NRXN1: variants seen among roughly 807,000 people sequenced by gnomAD.
The protein encoded by NRXN1 is neurexin-1.
A neutral mutation model predicts 150.9 loss-of-function variants in NRXN1; 39 were observed. That is an observed-to-expected ratio of 0.26 (90% CI 0.20 to 0.34). The LOEUF (loss-of-function observed/expected upper bound fraction) is 0.34. Among genes scored for constraint, NRXN1 ranks in the 10% least tolerant of loss-of-function variants. NRXN1 has a pLI of 1.00. For synonymous variants in NRXN1, 924 were observed against 757.0 expected, an observed-to-expected ratio of 1.22 and a Z score of -3.62; for missense variants, 1,815 against 1,949.9, an observed-to-expected ratio of 0.93 and a Z score of 1.30.
At chr2:50,155,050 C>G (rs2058930917) in intron 18 of NRXN1, among the ~76,000 whole-genome samples, 1 of 151,292 alleles carries the variant, frequency 6.6e-6, no homozygotes, top group African/African-American at 2.4e-5. Context: ...CTCTAATTAC[C>G]AAAATTATAT....
chr2:50,148,625 T>C (rs943831217), intron 18 of NRXN1, among the ~76,000 whole-genome samples: 6 of 151,742 alleles, frequency 4.0e-5, no homozygotes, highest in African/African-American at 1.4e-4. Context: ...GTTCCAAGTT[T>C]TGGCATATTC....
chr2:50,758,143 T>C (rs1258980059), intron 5 of NRXN1: 1 of 151,780 alleles, frequency 6.6e-6, no homozygotes, highest in East Asian at 2.0e-4. Context: ...TTCTCTAAAA[T>C]TAAAACAAGA....
chr2:50,190,327 C>T (rs2061364972), intron 18 of NRXN1, among the ~76,000 whole-genome samples: 1 of 152,070 alleles, frequency 6.6e-6, no homozygotes, highest in African/African-American at 2.4e-5. Flanking sequence ...GAGAATGCCA[C>T]ACCAAATATT....
chr2:50,650,853 C>A (rs1217722272), intron 5 of NRXN1, among the ~76,000 whole-genome samples: 1 of 151,962 alleles, frequency 6.6e-6, no homozygotes, highest in Non-Finnish European at 1.5e-5. Context: ...CACTGTCTAG[C>A]TTAAAATGTT....
rs549359122 is a variant in NRXN1, at chr2:50,112,859, T to C, written c.3547-21365A>G. ...TCAATAAATATAATCTATTAATATATTAATTATACTATTCTAGATATAAAA... is the reference window on the plus strand; with the variant it reads ...TCAATAAATATAATCTATTAATATACTAATTATACTATTCTAGATATAAAA... On this transcript the variant is annotated intron_variant, in intron 18 of 22. Transcript: ENST00000401669. Among the ~76,000 whole-genome samples the C allele has an allele frequency of 3.3e-5, 5 of 152,186 alleles. No homozygotes were observed. In the East Asian group the frequency reaches 9.6e-4, roughly 29 times the overall value.
chr2:50,173,444 C>T, intron 18 of NRXN1, among the ~76,000 whole-genome samples: 1 of 152,120 alleles, frequency 6.6e-6, no homozygotes, highest in East Asian at 1.9e-4. Flanking sequence ...TACAAGACTC[C>T]TAACTGGATT....
intron 2 of NRXN1, among the ~76,000 whole-genome samples, chr2:51,025,628 T>C (rs1174031558): frequency 1.3e-5 from 2 of 152,196 alleles, no homozygotes; most frequent in Non-Finnish European, 2.9e-5. Context: ...TAAGACAATT[T>C]TCCCATAAAA....
chr2:50,255,694 G>C (rs1442307132), intron 17 of NRXN1, among the ~76,000 whole-genome samples: 3 of 151,802 alleles, frequency 2.0e-5, no homozygotes, highest in African/African-American at 7.3e-5. Context: ...CCAGTTCTAG[G>C]GTCATTTTAA....
intron 21 of NRXN1, among the ~76,000 whole-genome samples, chr2:49,992,320 A>G (rs1363029): frequency 0.48 from 72,656 of 151,560 alleles, 17,944 homozygotes; most frequent in Middle Eastern, 0.63. Context: ...TGGGTGAATC[A>G]TGAGGTCAGG....
intron 17 of NRXN1, among the ~76,000 whole-genome samples, chr2:50,240,326 T>C (rs973698761): frequency 2.6e-5 from 4 of 151,810 alleles, no homozygotes; most frequent in East Asian, 1.9e-4. Flanking sequence ...CAGTAGTGCA[T>C]TGTATTGTAC....
At chr2:50,377,858 A>G (rs2080641187) in intron 17 of NRXN1, among the ~76,000 whole-genome samples, 1 of 152,202 alleles carries the variant, frequency 6.6e-6, no homozygotes. Flanking sequence ...TTAATTCCAA[A>G]CAAAGGCAAT....
intron 2 of NRXN1, among the ~76,000 whole-genome samples, chr2:51,024,409 G>A (rs974457639): frequency 2.0e-5 from 3 of 151,720 alleles, no homozygotes; most frequent in Admixed American, 6.6e-5. Flanking sequence ...ATCTCAACCC[G>A]AATGAACTGG....
Position 50,594,625 on chromosome 2 carries a change from CTCTT to C in NRXN1, c.1320+25393_1320+25396del, listed in dbSNP as rs1292702097. 3.3e-5 allele frequency among the ~76,000 whole-genome samples: 5 copies of C among 152,184 alleles called. No homozygotes were observed. The East Asian group carries it at 7.7e-4, about 23-fold the overall frequency. ...GCTGAAGGGAAGGACTAAGAAATGTCTCTTTCTAAGGCCCATAGAAATAGTATAA... is the reference window on the plus strand; with the variant it reads ...GCTGAAGGGAAGGACTAAGAAATGTCTCTAAGGCCCATAGAAATAGTATAA... On this transcript the variant is annotated intron_variant, in intron 8 of 22. Coordinates refer to ENST00000401669, the MANE Select transcript of NRXN1 (RefSeq NM_001330078.2).
chr2:50,337,624 T>A (rs532250341), intron 17 of NRXN1, among the ~76,000 whole-genome samples: 1 of 152,300 alleles, frequency 6.6e-6, no homozygotes, highest in South Asian at 2.1e-4. Flanking sequence ...AATAACTAAA[T>A]GATATAATTG....
intron 17 of NRXN1, among the ~76,000 whole-genome samples, chr2:50,248,814 G>A (rs532960644): frequency 1.3e-5 from 2 of 152,026 alleles, no homozygotes; most frequent in South Asian, 2.1e-4. Context: ...ATCTAAGAGG[G>A]AAACTAGTGT....
At position 50,630,925 on chromosome 2, in the gene NRXN1, T is replaced by A. The variant is rs142500254; in HGVS notation, c.833-7310A>T. Among the ~76,000 whole-genome samples, 633 of 151,882 alleles carry A rather than the reference T, an allele frequency of 4.2e-3. 11 individuals are homozygous for A. The highest frequency in any genetic ancestry group is 0.027 in the Admixed American group (416 of 15,232). On this transcript the variant is annotated intron_variant, in intron 5 of 22. Coordinates refer to ENST00000401669, the MANE Select transcript of NRXN1 (RefSeq NM_001330078.2). ...TTATTAAAACAAATAAGCCAGGCTG[T>A]CTCTGCTATAAGATAAAACAACTTT...
chr2:50,022,885 T>C (rs1220003476), intron 21 of NRXN1: 3 of 152,176 alleles, frequency 2.0e-5, no homozygotes, highest in Non-Finnish European at 4.4e-5. Flanking sequence ...TCTTATATAG[T>C]AGGTAAAAAT....
At position 50,021,653 on chromosome 2, in the gene NRXN1, T is replaced by A. The variant is rs190426654; in HGVS notation, c.4128+31618A>T. The stretch of plus-strand genomic sequence containing the variant: ...AGTTAAAGCCAGGAGAATTCTTTAG[T>A]GCTGTCTTTCTAGACGTTAGAATTT... On this transcript the variant is annotated intron_variant, in intron 21 of 22. Coordinates refer to ENST00000401669, the MANE Select transcript of NRXN1 (RefSeq NM_001330078.2). 2.8e-3 allele frequency among the ~76,000 whole-genome samples: 426 copies of A among 152,208 alleles called. 1 individual carries two copies. Among genetic ancestry groups the A allele is most frequent in the Non-Finnish European group, 5.1e-3 (345 of 68,014 alleles).
intron 15 of NRXN1, among the ~76,000 whole-genome samples, chr2:50,495,455 A>C (rs1378930130): frequency 1.3e-5 from 2 of 150,326 alleles, no homozygotes; most frequent in Admixed American, 1.3e-4. Flanking sequence ...TTGGAGACAC[A>C]GGGTTTCTAA....
Sources: allele counts gnomAD v4.1 joint callset (sites outside exome capture counted in the v4.1 genomes callset), GRCh38; gene constraint gnomAD v4.1.1; transcripts MANE v1.5; gene names NCBI Gene and HGNC (gene_info 2026-07-23, HGNC 2026-07-21).